Variants in HERC2 observed in about 807,000 individuals in gnomAD.
HERC2 encodes E3 ubiquitin-protein ligase HERC2.
A neutral mutation model predicts 537.7 loss-of-function variants in HERC2; 102 were observed. The observed-to-expected ratio is 0.19, with a 90% CI of 0.16 to 0.22. The LOEUF (loss-of-function observed/expected upper bound fraction) is 0.22, where lower values mean the gene tolerates loss of function less well. HERC2 is among the 10% of genes least tolerant of loss of function. The pLI, the probability that HERC2 is intolerant of heterozygous loss-of-function variation, is 1.00. For synonymous variants in HERC2, 2,224 were observed against 2,466.2 expected, an observed-to-expected ratio of 0.90 and a Z score of 2.91; for missense variants, 4,236 against 6,198.2, an observed-to-expected ratio of 0.68 and a Z score of 10.63.
In HERC2 at chr15:28,213,991, C is replaced by T. The variant is rs1426734008; in HGVS notation, c.6556-19G>A. ...ACTGGGCCTAGTGCAGACCAAACAG[C>T]GAGCTCGACAGAGACACTCACGGAG... On this transcript the variant is annotated intron_variant, in intron 41 of 92. Transcript: ENST00000261609. 4.3e-6 allele frequency: 7 copies of T among 1,611,270 alleles called. No homozygotes were observed. The highest frequency in any genetic ancestry group is 1.1e-5 in the South Asian group (1 of 91,016).
Position 28,218,606 on chromosome 15 carries a change from G to C in HERC2, c.5911C>G (p.Leu1971Val), listed in dbSNP as rs144780847. 6.3e-7 allele frequency: 1 copy of C among 1,593,256 alleles called. No homozygotes were observed. The highest frequency in any genetic ancestry group is 1.3e-5 in the African/African-American group (1 of 74,716). The change falls in exon 38 of 93, where the codon CTG becomes GTG. Residue 1971 changes from leucine to valine, a missense_variant. Physicochemically the swap from Leu to Val is conservative, Grantham distance 32. Coordinates refer to ENST00000261609, the MANE Select transcript of HERC2 (RefSeq NM_004667.6). The stretch of plus-strand genomic sequence containing the variant: ...CCAGCAGACAGACAAAGAGTCTGCA[G>C]TAAGTTAATAGTGCTGGTAAACATC... ...AMMFTSTINL[L>V]QTLCLSAGVH... is the part of the protein sequence containing the mutation.
At chr15:28,142,757 A>G (rs1285939062) in intron 75 of HERC2, 70 bp downstream of exon 75, 18 of 1,519,770 alleles carry the variant, frequency 1.2e-5, no homozygotes, top group Admixed American at 1.9e-5. Context: ...CACACTGCAC[A>G]TGACAACTCT....
chr15:28,162,907 G>C (rs2142440844), intron 69 of HERC2, among the ~76,000 whole-genome samples, 187 bp downstream of exon 69: 1 of 152,238 alleles, frequency 6.6e-6, no homozygotes, highest in South Asian at 2.1e-4. Context: ...ACAAAAAACA[G>C]GTAAAGGATG....
chr15:28,255,392 A>G (rs1231812736), intron 19 of HERC2, among the ~76,000 whole-genome samples: 1 of 152,238 alleles, frequency 6.6e-6, no homozygotes, highest in Admixed American at 6.5e-5. Context: ...GAGAATGAAC[A>G]AACAGTACTA....
intron 19 of HERC2, among the ~76,000 whole-genome samples, chr15:28,255,325 C>T (rs1244632908): frequency 3.3e-5 from 5 of 151,916 alleles, no homozygotes; most frequent in South Asian, 2.1e-4. Flanking sequence ...CAGAGCAAGA[C>T]GCTGTCTCAA....
rs539187572 is a variant in HERC2, at chr15:28,296,135, C to T, written c.188-3113G>A. ...GGGATCTACATAAAAAACAATTATG[C>T]TCTGCTTTCCAATCATGATTTTTAA... On this transcript the variant is annotated intron_variant, in intron 3 of 92. Coordinates refer to ENST00000261609, the MANE Select transcript of HERC2 (RefSeq NM_004667.6). 5.3e-5 allele frequency among the ~76,000 whole-genome samples: 8 copies of T among 152,220 alleles called. No individual in the cohort carries two copies. The South Asian group carries it at 1.7e-3, about 32-fold the overall frequency.
At chr15:28,208,072 C>A (rs1228179720) in intron 44 of HERC2, among the ~76,000 whole-genome samples, 1 of 152,196 alleles carries the variant, frequency 6.6e-6, no homozygotes, top group Non-Finnish European at 1.5e-5. Flanking sequence ...AATTCCCAGG[C>A]TCCAATCTTC....
chr15:28,173,451 A>AAAGT (rs1330672169), intron 65 of HERC2, among the ~76,000 whole-genome samples: 1 of 152,226 alleles, frequency 6.6e-6, no homozygotes, highest in Non-Finnish European at 1.5e-5. Context: ...CTGAGTGGAA[A>AAAGT]AAGATTTTTA....
intron 20 of HERC2, among the ~76,000 whole-genome samples, chr15:28,252,997 C>T (rs2075132700): frequency 6.6e-6 from 1 of 152,216 alleles, no homozygotes; most frequent in African/African-American, 2.4e-5. Context: ...GCTCTGTGCT[C>T]GGCTGCCTGA....
rs1377748560 is a variant in HERC2 at position 28,299,387 on chromosome 15, G to C, written c.187+15C>G. ...GGTCTTTACCAAATAAAAAACACTA[G>C]TTAAAGGCCCTTACCTTTTCTAGGA... On this transcript the variant is annotated intron_variant, in intron 3 of 92. Coordinates refer to ENST00000261609, the MANE Select transcript of HERC2 (RefSeq NM_004667.6). 1.4e-5 allele frequency: 17 copies of C among 1,215,458 alleles called. No homozygotes were observed. Among genetic ancestry groups the C allele is most frequent in the South Asian group, 6.3e-5 (5 of 79,064 alleles). The allele number at this position is 1,215,458 out of a possible 1,614,324, so 75.3% of individuals were successfully genotyped here.
intron 2 of HERC2, among the ~76,000 whole-genome samples, chr15:28,305,864 C>T (rs11507963): frequency 1.3e-4 from 20 of 151,678 alleles, no homozygotes; most frequent in African/African-American, 4.1e-4. Context: ...AAAAAGTGGG[C>T]GAAGGACATG....
intron 19 of HERC2, among the ~76,000 whole-genome samples, 198 bp from the exon 20 acceptor site, chr15:28,254,716 C>T (rs1478676320): frequency 6.6e-6 from 1 of 152,178 alleles, no homozygotes; most frequent in Admixed American, 6.5e-5. Flanking sequence ...CTTCTTTTTA[C>T]AGAATCAAGG....
chr15:28,229,049 A>T, intron 34 of HERC2, 146 bp downstream of exon 34: 1 of 787,850 alleles, frequency 1.3e-6, no homozygotes, highest in Non-Finnish European at 2.2e-6. Flanking sequence ...AAATCTGAGA[A>T]AGCTGACAGC....
rs552531283 is a variant in HERC2, at chr15:28,218,614, A to G, written c.5903T>C (p.Ile1968Thr). The change falls in exon 38 of 93, where the codon ATT becomes ACT. Residue 1968 changes from isoleucine to threonine, a missense_variant. By Grantham distance (89) the Ile-to-Thr change is moderately conservative. Transcript: ENST00000261609. ...HPTAMMFTST[I>T]NLLQTLCLSA... ...CAGACAAAGAGTCTGCAGTAAGTTA[A>G]TAGTGCTGGTAAACATCATTGCAGT... The G allele has an allele frequency of 3.0e-5, 48 of 1,591,042 alleles. No homozygotes were observed. Among genetic ancestry groups the G allele is most frequent in the Non-Finnish European group, 4.3e-6 (5 of 1,173,096 alleles).
chr15:28,146,207 A>G (rs368908508), intron 71 of HERC2, 30 bp downstream of exon 71: 29 of 1,480,814 alleles, frequency 2.0e-5, no homozygotes, highest in Non-Finnish European at 2.6e-5. Context: ...AGGTGGGTAG[A>G]TCATGCCCTG....
At chr15:28,246,920 T>C (rs1463172374) in intron 21 of HERC2, 23 bp from the exon 22 acceptor site, 4 of 1,591,650 alleles carry the variant, frequency 2.5e-6, no homozygotes, top group Non-Finnish European at 3.4e-6. Context: ...TTGAGAAATT[T>C]TCATTTTCAC....
At chr15:28,255,720 T>A (rs1379935582) in intron 19 of HERC2, 152 bp downstream of exon 19, 2 of 827,122 alleles carry the variant, frequency 2.4e-6, no homozygotes, top group Non-Finnish European at 3.6e-6. Flanking sequence ...AATAATTTTG[T>A]AAATTGGCAC....
chr15:28,259,114 G>A (rs2075347528), intron 16 of HERC2, among the ~76,000 whole-genome samples: 1 of 152,028 alleles, frequency 6.6e-6, no homozygotes. Context: ...GTTTTTTTGA[G>A]ACGGAGTTTC....
In HERC2 at chr15:28,141,822, T is replaced by G. The variant is rs865973109; in HGVS notation, c.11725A>C (p.Met3909Leu). The change falls in exon 77 of 93, where the codon ATG becomes CTG. Residue 3909 changes from methionine (M) to leucine (L), a missense_variant. This residue lies in a region of HERC2 where 156 missense variants were observed against 172.3 expected (regional missense o/e 0.91). Coordinates refer to ENST00000261609, the MANE Select transcript of HERC2 (RefSeq NM_004667.6). ...ACATCCATGTTTTCGCTGTCTGCCA[T>G]TAATTCACGAATTTTCTTAGCCACC... is the stretch of plus-strand genomic sequence containing the variant. ...DEVAKKIRELMADSENMDVLH... is the reference protein window; with the variant it reads ...DEVAKKIRELLADSENMDVLH... 2 of 1,614,084 alleles carry G rather than the reference T, an allele frequency of 1.2e-6. No individual in the cohort carries two copies. Among genetic ancestry groups the G allele is most frequent in the Middle Eastern group, 1.6e-4 (1 of 6,062 alleles).
Sources: allele counts gnomAD v4.1 joint callset (sites outside exome capture counted in the v4.1 genomes callset), GRCh38; gene constraint gnomAD v4.1.1; regional missense constraint gnomAD v4.1.1; transcripts MANE v1.5; gene names NCBI Gene and HGNC (gene_info 2026-07-23, HGNC 2026-07-21).